Variants in CRY1 observed in about 807,000 individuals in gnomAD.
The protein encoded by CRY1 is cryptochrome-1.
In CRY1, 45 loss-of-function variants were observed where a neutral mutation model predicts 76.0. The observed-to-expected ratio is 0.59, with a 90% CI of 0.47 to 0.76. The LOEUF (loss-of-function observed/expected upper bound fraction) is 0.76, where lower values mean the gene tolerates loss of function less well. CRY1 is among the 30% of genes least tolerant of loss of function. CRY1 has a pLI of 0.00. For synonymous variants in CRY1, 248 were observed against 244.0 expected (o/e 1.02, Z -0.15); for missense variants, 587 against 716.4 (o/e 0.82, Z 2.06).
intron 10 of CRY1, among the ~76,000 whole-genome samples, chr12:106,993,441 G>A (rs180983000): frequency 2.0e-5 from 3 of 151,492 alleles, no homozygotes; most frequent in South Asian, 2.1e-4. Flanking sequence ...GGGCCTGCCC[G>A]ATGAGTTAAA....
chr12:107,076,918 C>T (rs930948821), intron 1 of CRY1, among the ~76,000 whole-genome samples: 4 of 152,100 alleles, frequency 2.6e-5, no homozygotes, highest in African/African-American at 4.8e-5. Context: ...TGCAACATGC[C>T]TGCTCCCCCT....
In CRY1 at chr12:106,991,656, T is replaced by TC. The variant is rs1566237739; in HGVS notation, c.*345dup. The stretch of plus-strand genomic sequence containing the variant: ...AAGAAAGTCTAAAAACCTCCTTTTT[T>TC]CCCACTGACTTCAAAACTTTGAGTT... On this transcript the variant is annotated 3_prime_UTR_variant, in exon 13 of 13. Coordinates refer to ENST00000008527, the MANE Select transcript of CRY1 (RefSeq NM_004075.5). 1.3e-5 allele frequency: 2 copies of TC among 152,630 alleles called. No individual in the cohort carries two copies. Among genetic ancestry groups the TC allele is most frequent in the African/African-American group, 2.4e-5 (1 of 41,462 alleles). 9.5% of individuals were successfully genotyped at this position (152,630 alleles called of 1,614,324 possible).
At chr12:107,091,192 A>C (rs1382505116) in intron 1 of CRY1, among the ~76,000 whole-genome samples, 1 of 152,122 alleles carries the variant, frequency 6.6e-6, no homozygotes, top group Non-Finnish European at 1.5e-5. Context: ...GGCATGCGCC[A>C]CCATGCTCAC....
intron 1 of CRY1, among the ~76,000 whole-genome samples, chr12:107,035,273 T>C (rs1952721861): frequency 6.6e-6 from 1 of 152,212 alleles, no homozygotes; most frequent in Non-Finnish European, 1.5e-5. Flanking sequence ...TTTCTCGTAC[T>C]GACATTACTG....
chr12:107,015,826 AGG>A (rs1347370062), intron 2 of CRY1, among the ~76,000 whole-genome samples: 2 of 152,070 alleles, frequency 1.3e-5, no homozygotes, highest in East Asian at 3.9e-4. Flanking sequence ...CTGGGACTAC[AGG>A]TGTATGCTAC....
chr12:107,051,793 G>C (rs991058330), intron 1 of CRY1, among the ~76,000 whole-genome samples: 2 of 152,180 alleles, frequency 1.3e-5, no homozygotes, highest in African/African-American at 4.8e-5. Flanking sequence ...CCACATAGAG[G>C]TAATTGTAAT....
Position 107,092,993 on chromosome 12 carries a change from A to T in CRY1, c.-32T>A. The T allele has an allele frequency of 2.7e-6, 4 of 1,501,162 alleles. No individual in the cohort carries two copies. The highest frequency in any genetic ancestry group is 3.5e-6 in the Non-Finnish European group (4 of 1,130,444). 93.0% of individuals were successfully genotyped at this position (1,501,162 alleles called of 1,614,324 possible). A position where few individuals can be genotyped will look rare whatever the true frequency, so the allele number is the denominator to read the frequency against. On this transcript the variant is annotated 5_prime_UTR_variant, in exon 1 of 13. Transcript: ENST00000008527. Reference sequence around the variant, plus strand: ...GGGCGCGGCGGGTCCTCCACGGAGAAATTCAAGGAAGGAGGCTCCGGCTCA... The same window carrying T: ...GGGCGCGGCGGGTCCTCCACGGAGATATTCAAGGAAGGAGGCTCCGGCTCA...
rs1952241809 is a variant in CRY1, at chr12:106,997,172, A to T, written c.1585+122T>A. ...TGCACATGTATGCATGCATACAAAG[A>T]ATCTATTAAGCTAATTTCAAAGACA... On this transcript the variant is annotated intron_variant, in intron 10 of 12. Transcript: ENST00000008527. The T allele has an allele frequency of 3.7e-5, 32 of 871,248 alleles. No individual in the cohort carries two copies. The South Asian group carries it at 4.1e-4, about 11-fold the overall frequency. 54.0% of individuals were successfully genotyped at this position (871,248 alleles called of 1,614,324 possible).
intron 3 of CRY1, among the ~76,000 whole-genome samples, chr12:107,004,040 C>T (rs1390566394): frequency 3.9e-5 from 6 of 152,008 alleles, no homozygotes; most frequent in Non-Finnish European, 5.9e-5. Context: ...CTCCTGACCT[C>T]GTGATCCATC....
intron 1 of CRY1, among the ~76,000 whole-genome samples, chr12:107,030,990 C>T (rs1345885143): frequency 6.6e-6 from 1 of 152,062 alleles, no homozygotes; most frequent in African/African-American, 2.4e-5. Flanking sequence ...GTATATTCTC[C>T]CCAACACAAG....
At chr12:107,031,272 A>G (rs1166343467) in intron 1 of CRY1, among the ~76,000 whole-genome samples, 1 of 152,216 alleles carries the variant, frequency 6.6e-6, no homozygotes, top group Admixed American at 6.5e-5. Flanking sequence ...TGAAGAGGAC[A>G]GGAGATAAAG....
At chr12:107,043,578 A>T (rs1432750211) in intron 1 of CRY1, among the ~76,000 whole-genome samples, 1 of 152,222 alleles carries the variant, frequency 6.6e-6, no homozygotes, top group East Asian at 1.9e-4. Context: ...GCAGTGGCTA[A>T]GCTGAGATAC....
chr12:107,063,828 C>T (rs182481499), intron 1 of CRY1, among the ~76,000 whole-genome samples: 1 of 152,032 alleles, frequency 6.6e-6, no homozygotes, highest in Non-Finnish European at 1.5e-5. Flanking sequence ...GAATCCCTGA[C>T]CTCATGTGAT....
intron 1 of CRY1, among the ~76,000 whole-genome samples, chr12:107,034,963 T>C (rs576521076): frequency 1.3e-5 from 2 of 152,312 alleles, no homozygotes; most frequent in Non-Finnish European, 2.9e-5. Context: ...TTAGTTCTTA[T>C]CTAACTTTAG....
intron 7 of CRY1, 39 bp downstream of exon 7, chr12:106,999,512 C>A: frequency 6.5e-7 from 1 of 1,527,948 alleles, no homozygotes; most frequent in Non-Finnish European, 8.8e-7. Flanking sequence ...GTAAGGATTC[C>A]TTCAAAATAA....
intron 10 of CRY1, among the ~76,000 whole-genome samples, chr12:106,996,551 T>C (rs1952235756): frequency 6.6e-6 from 1 of 152,234 alleles, no homozygotes; most frequent in Non-Finnish European, 1.5e-5. Context: ...CACCACACTC[T>C]CTTCCACAAT....
chr12:107,022,786 T>C (rs1056379089), intron 1 of CRY1, among the ~76,000 whole-genome samples: 2 of 150,674 alleles, frequency 1.3e-5, no homozygotes, highest in African/African-American at 4.9e-5. Flanking sequence ...AACTAATAAG[T>C]AGATGCCAAA....
At chr12:107,034,267 C>T (rs1952709230) in intron 1 of CRY1, among the ~76,000 whole-genome samples, 1 of 151,956 alleles carries the variant, frequency 6.6e-6, no homozygotes. Context: ...TTTACAAATG[C>T]CAAGACAACA....
In CRY1 at chr12:107,089,063, G is replaced by A. The variant is rs576607633; in HGVS notation, c.158+3741C>T. The stretch of plus-strand genomic sequence containing the variant: ...TTTAAGGTTCATTCATACATGTAGC[G>A]TATATCAGTACTTCATTCCTTTTTA... On this transcript the variant is annotated intron_variant, in intron 1 of 12. Transcript: ENST00000008527. Among the ~76,000 whole-genome samples, 82 of 152,250 alleles carry A rather than the reference G, an allele frequency of 5.4e-4. No individual in the cohort carries two copies. The South Asian group carries it at 7.3e-3, about 13-fold the overall frequency.
Sources: allele counts gnomAD v4.1 joint callset (sites outside exome capture counted in the v4.1 genomes callset), GRCh38; gene constraint gnomAD v4.1.1; transcripts MANE v1.5; gene names NCBI Gene and HGNC (gene_info 2026-07-23, HGNC 2026-07-21).